The following TMTC2 variants were observed in gnomAD, a reference collection of about 807,000 sequenced individuals.
TMTC2 encodes transmembrane O-mannosyltransferase targeting cadherins 2, also known as protein O-mannosyl-transferase TMTC2.
In TMTC2, 43 loss-of-function variants were observed where a neutral mutation model predicts 82.4. The ratio of observed to expected loss-of-function variants is 0.52; its 90% CI spans 0.41 to 0.67. The LOEUF (loss-of-function observed/expected upper bound fraction) is 0.67. Among genes scored for constraint, TMTC2 ranks in the 30% least tolerant of loss-of-function variants. The pLI is 0.00. For missense variants in TMTC2, 919 were observed against 1,012.4 expected (o/e 0.91, Z 1.25); for synonymous variants, 408 against 381.9 (o/e 1.07, Z -0.80).
intron 7 of TMTC2, 112 bp downstream of exon 7, chr12:82,967,109 G>A: frequency 1.3e-6 from 1 of 778,056 alleles, no homozygotes; most frequent in Non-Finnish European, 2.0e-6. Flanking sequence ...CCTCACAAAA[G>A]AAACGTTCAC....
intron 2 of TMTC2, among the ~76,000 whole-genome samples, chr12:82,859,977 G>T (rs1871454281): frequency 6.6e-6 from 1 of 152,082 alleles, no homozygotes; most frequent in African/African-American, 2.4e-5. Flanking sequence ...TTTTGTTGTT[G>T]TTGTTGTTGT....
chr12:82,699,908 G>T (rs946085407), intron 1 of TMTC2, among the ~76,000 whole-genome samples: 8 of 152,098 alleles, frequency 5.3e-5, no homozygotes, highest in Admixed American at 5.2e-4. Context: ...GATTGTGTCT[G>T]TACTGAACAT....
intron 1 of TMTC2, among the ~76,000 whole-genome samples, chr12:82,788,206 T>G (rs1282195972): frequency 6.6e-6 from 1 of 152,088 alleles, no homozygotes; most frequent in Non-Finnish European, 1.5e-5. Context: ...GCAACATCTT[T>G]TATTTTAGGG....
chr12:82,925,370 A>G (rs2137234761), intron 3 of TMTC2, among the ~76,000 whole-genome samples: 1 of 152,340 alleles, frequency 6.6e-6, no homozygotes, highest in Admixed American at 6.5e-5. Context: ...CTTAACAAAT[A>G]TCTAATAAAT....
In TMTC2 at chr12:83,122,408, A is replaced by C. The variant is rs144931854; in HGVS notation, c.2332-9802A>C. On this transcript the variant is annotated intron_variant, in intron 11 of 11. Transcript: ENST00000321196. ...TTCCTTCTCCCTGGGGCCTTTTCCC[A>C]GTGCCTCTGGCCACCCTCCTGAAGG... 1.2e-3 allele frequency among the ~76,000 whole-genome samples: 176 copies of C among 151,840 alleles called. 1 individual carries two copies. Among genetic ancestry groups the C allele is most frequent in the African/African-American group, 4.1e-3 (171 of 41,402 alleles).
intron 1 of TMTC2, among the ~76,000 whole-genome samples, chr12:82,718,508 G>A (rs920378968): frequency 2.0e-5 from 3 of 152,164 alleles, no homozygotes; most frequent in South Asian, 4.1e-4. Context: ...ATTAAGTGAC[G>A]GAGTCCATAT....
At chr12:83,027,395 C>T (rs1440882764) in intron 8 of TMTC2, among the ~76,000 whole-genome samples, 1 of 152,128 alleles carries the variant, frequency 6.6e-6, no homozygotes, top group East Asian at 1.9e-4. Flanking sequence ...TACAGCAAGT[C>T]ATCACTTAAC....
chr12:82,854,706 A>G (rs1340199293), intron 1 of TMTC2, among the ~76,000 whole-genome samples: 2 of 152,214 alleles, frequency 1.3e-5, no homozygotes, highest in South Asian at 2.1e-4. Context: ...TCCCGGCCAC[A>G]TGGAGTAATT....
At chr12:82,759,640 C>CTG (rs895124815) in intron 1 of TMTC2, 3 of 152,210 alleles carry the variant, frequency 2.0e-5, no homozygotes, top group African/African-American at 7.2e-5. Context: ...ATTTTAAAAA[C>CTG]TGCACTTGAC....
chr12:83,050,763 A>G, intron 9 of TMTC2, 141 bp from the exon 10 acceptor site: 1 of 530,314 alleles, frequency 1.9e-6, no homozygotes, highest in Non-Finnish European at 3.3e-6. Context: ...AAAAGCATAT[A>G]AATAATCTCT....
chr12:82,816,783 G>T (rs2137056904), intron 1 of TMTC2, among the ~76,000 whole-genome samples: 1 of 151,914 alleles, frequency 6.6e-6, no homozygotes, highest in Admixed American at 6.6e-5. Flanking sequence ...AGTAGAGATT[G>T]GAAAAATTCA....
At chr12:82,850,223 T>G (rs757961423) in intron 1 of TMTC2, among the ~76,000 whole-genome samples, 3 of 152,142 alleles carry the variant, frequency 2.0e-5, no homozygotes, top group Non-Finnish European at 4.4e-5. Flanking sequence ...AAGTTAACAT[T>G]GCCTTGTTTG....
Position 82,927,204 on chromosome 12 carries a change from T to C in TMTC2, c.1484-3227T>C, listed in dbSNP as rs1390497655. 3.9e-5 allele frequency among the ~76,000 whole-genome samples: 6 copies of C among 152,112 alleles called. No homozygotes were observed. The South Asian group carries it at 1.0e-3, about 26-fold the overall frequency. ...TGCCATTCAGAACATTTGTGATTCA[T>C]GGAATGAAGTCAGAATATCAACATT... On this transcript the variant is annotated intron_variant, in intron 3 of 11. Coordinates refer to ENST00000321196, the MANE Select transcript of TMTC2 (RefSeq NM_152588.3).
chr12:82,696,127 A>C (rs1238040169), intron 1 of TMTC2, among the ~76,000 whole-genome samples: 2 of 152,238 alleles, frequency 1.3e-5, no homozygotes, highest in Non-Finnish European at 2.9e-5. Context: ...CAAGCTGTTT[A>C]TGACAAATTT....
At chr12:82,897,843 T>A (rs1027066314) in intron 3 of TMTC2, among the ~76,000 whole-genome samples, 56 of 152,076 alleles carry the variant, frequency 3.7e-4, no homozygotes, top group Non-Finnish European at 6.3e-4. Context: ...TTCTTTAAAT[T>A]ATGTTTGCTG....
At chr12:82,957,885 A>G (rs949797093) in intron 4 of TMTC2, among the ~76,000 whole-genome samples, 3 of 152,098 alleles carry the variant, frequency 2.0e-5, no homozygotes, top group African/African-American at 7.2e-5. Context: ...AACACAAAAA[A>G]CAAAAACTTA....
chr12:82,752,340 G>A (rs887244369), intron 1 of TMTC2, among the ~76,000 whole-genome samples: 1 of 151,804 alleles, frequency 6.6e-6, no homozygotes, highest in Non-Finnish European at 1.5e-5. Flanking sequence ...CAAAAAATTC[G>A]CCAGGTCTGG....
At chr12:82,727,451 T>G (rs545153305) in intron 1 of TMTC2, among the ~76,000 whole-genome samples, 1 of 152,064 alleles carries the variant, frequency 6.6e-6, no homozygotes, top group Admixed American at 6.6e-5. Context: ...AACTTAAAAT[T>G]TTCTGTTTTT....
chr12:82,851,784 A>G (rs976638407), intron 1 of TMTC2, among the ~76,000 whole-genome samples: 6 of 152,260 alleles, frequency 3.9e-5, no homozygotes, highest in African/African-American at 7.2e-5. Flanking sequence ...CAAGTAGAAC[A>G]ATTGAAAGCA....
Sources: allele counts gnomAD v4.1 joint callset (sites outside exome capture counted in the v4.1 genomes callset), GRCh38; gene constraint gnomAD v4.1.1; transcripts MANE v1.5; gene names NCBI Gene and HGNC (gene_info 2026-07-23, HGNC 2026-07-21).